CRADD: variants seen among roughly 807,000 people sequenced by gnomAD.
CRADD encodes the protein death domain-containing protein CRADD.
A neutral mutation model predicts 15.5 loss-of-function variants in CRADD; 9 were observed. The ratio of observed to expected loss-of-function variants is 0.58; its 90% CI spans 0.35 to 1.01. The LOEUF is 1.01. CRADD is among the 50% of genes least tolerant of loss of function. CRADD has a pLI of 0.02. For missense variants in CRADD, 227 were observed against 250.3 expected (o/e 0.91, Z 0.63); for synonymous variants, 118 against 107.6 (o/e 1.10, Z -0.60).
chr12:93,816,087 G>A (rs1224070617), intron 2 of CRADD: 1 of 152,012 alleles, frequency 6.6e-6, no homozygotes, highest in East Asian at 1.9e-4. Flanking sequence ...ATTTTAAAAA[G>A]TAAAAAGAAT....
rs539736818 is a variant in CRADD at position 93,688,153 on chromosome 12, G to A, written c.298+9081G>A. Among the ~76,000 whole-genome samples the A allele has an allele frequency of 2.0e-5, 3 of 152,270 alleles. No homozygotes were observed. In the South Asian group the frequency reaches 6.2e-4, roughly 32 times the overall value. ...ATGGCTAGTTGGGAAGAGTGGGACT[G>A]GCTTAGTCTGTCAGACTGGCTGTCT... On this transcript the variant is annotated intron_variant, in intron 2 of 2. Coordinates refer to ENST00000332896, the MANE Select transcript of CRADD (RefSeq NM_003805.5).
At chr12:93,796,887 C>T (rs1957424701) in intron 2 of CRADD, among the ~76,000 whole-genome samples, 1 of 152,164 alleles carries the variant, frequency 6.6e-6, no homozygotes, top group Non-Finnish European at 1.5e-5. Context: ...GTCTCACGTG[C>T]TCACGTGCAT....
intron 2 of CRADD, among the ~76,000 whole-genome samples, chr12:93,856,198 C>T (rs1268148472): frequency 1.3e-5 from 2 of 152,234 alleles, no homozygotes; most frequent in African/African-American, 4.8e-5. Flanking sequence ...GAAATAGAAA[C>T]TGCATAGTCC....
At chr12:93,800,866 C>T (rs1019652669) in intron 2 of CRADD, among the ~76,000 whole-genome samples, 1 of 152,158 alleles carries the variant, frequency 6.6e-6, no homozygotes, top group Admixed American at 6.6e-5. Context: ...CTGGGCACCC[C>T]TTAAGCCCAG....
In CRADD at chr12:93,694,978, G is replaced by A. The variant is rs187459111; in HGVS notation, c.298+15906G>A. Among the ~76,000 whole-genome samples, 928 of 152,182 alleles carry A rather than the reference G, an allele frequency of 6.1e-3. 15 individuals are homozygous for A. Among genetic ancestry groups the A allele is most frequent in the African/African-American group, 0.021 (874 of 41,522 alleles). ...AAAAAACAATTCTGAAATTTATATG[G>A]AACCACAAAAGACCCTGAATTGCCA... On this transcript the variant is annotated intron_variant, in intron 2 of 2. Transcript: ENST00000332896.
At chr12:93,798,496 T>C (rs1565918088) in intron 2 of CRADD, among the ~76,000 whole-genome samples, 1 of 152,092 alleles carries the variant, frequency 6.6e-6, no homozygotes, top group Non-Finnish European at 1.5e-5. Context: ...AATTATCAGC[T>C]CCTCCCTCCT....
intron 2 of CRADD, among the ~76,000 whole-genome samples, chr12:93,747,848 CT>C (rs1452486179): frequency 1.3e-5 from 2 of 152,174 alleles, no homozygotes; most frequent in African/African-American, 4.8e-5. Flanking sequence ...TTCTCCCACT[CT>C]TTCCTTCAGA....
At chr12:93,867,812 T>A (rs1958383217) in intron 2 of CRADD, among the ~76,000 whole-genome samples, 1 of 152,144 alleles carries the variant, frequency 6.6e-6, no homozygotes, top group South Asian at 2.1e-4. Flanking sequence ...GGACATAGAA[T>A]CCAAATTGTT....
At chr12:93,767,884 C>G (rs1957042390) in intron 2 of CRADD, among the ~76,000 whole-genome samples, 1 of 152,224 alleles carries the variant, frequency 6.6e-6, no homozygotes, top group Non-Finnish European at 1.5e-5. Context: ...AAATTCAATT[C>G]AACACCACCA....
chr12:93,793,112 A>G (rs1957369442), intron 2 of CRADD, among the ~76,000 whole-genome samples: 1 of 152,188 alleles, frequency 6.6e-6, no homozygotes, highest in Non-Finnish European at 1.5e-5. Context: ...AAAAACAAAA[A>G]TAGAATTGCA....
At chr12:93,681,551 A>C (rs1039909414) in intron 2 of CRADD, among the ~76,000 whole-genome samples, 1 of 152,220 alleles carries the variant, frequency 6.6e-6, no homozygotes, top group Non-Finnish European at 1.5e-5. Context: ...TCTTTTAAAA[A>C]AGACTTGTAT....
At chr12:93,887,125 T>C (rs1428924778) in intron 2 of CRADD, among the ~76,000 whole-genome samples, 2 of 152,220 alleles carry the variant, frequency 1.3e-5, no homozygotes, top group African/African-American at 4.8e-5. Flanking sequence ...TCTGCTAGTT[T>C]GTCTCTTTTG....
At chr12:93,806,147 G>A (rs886136818) in intron 2 of CRADD, among the ~76,000 whole-genome samples, 2 of 151,944 alleles carry the variant, frequency 1.3e-5, no homozygotes, top group East Asian at 1.9e-4. Context: ...GGTGTAGTTG[G>A]CCTTTTTGAA....
intron 2 of CRADD, among the ~76,000 whole-genome samples, chr12:93,773,345 G>T (rs1592977631): frequency 1.3e-5 from 2 of 152,248 alleles, no homozygotes; most frequent in East Asian, 1.9e-4. Context: ...TGCTGTTCTG[G>T]TGGTGACGAA....
intron 2 of CRADD, among the ~76,000 whole-genome samples, chr12:93,767,050 C>A (rs1957033580): frequency 1.3e-5 from 2 of 152,154 alleles, no homozygotes; most frequent in Non-Finnish European, 2.9e-5. Context: ...CAACCAGACC[C>A]TCGGGCCTTG....
At chr12:93,738,054 G>C (rs886615211) in intron 2 of CRADD, 9 of 465,248 alleles carry the variant, frequency 1.9e-5, no homozygotes, top group African/African-American at 1.6e-4. Context: ...TTCATAAACA[G>C]GTCCCTTTCT....
intron 2 of CRADD, among the ~76,000 whole-genome samples, chr12:93,819,145 G>C (rs371862250): frequency 5.3e-5 from 8 of 152,370 alleles, no homozygotes; most frequent in African/African-American, 1.9e-4. Context: ...GGCCCGCCCT[G>C]TCCGCCTATG....
At chr12:93,768,545 A>C (rs1957049414) in intron 2 of CRADD, among the ~76,000 whole-genome samples, 1 of 152,044 alleles carries the variant, frequency 6.6e-6, no homozygotes, top group Non-Finnish European at 1.5e-5. Flanking sequence ...TAAGCAATTA[A>C]CTTCTGATCC....
At chr12:93,705,552 C>T (rs1955928791) in intron 2 of CRADD, among the ~76,000 whole-genome samples, 1 of 152,096 alleles carries the variant, frequency 6.6e-6, no homozygotes, top group Admixed American at 6.5e-5. Context: ...TAGCATTGAG[C>T]AGGGTTTGAC....
Sources: gnomAD v4.1 joint callset for allele counts (sites outside exome capture counted in the v4.1 genomes callset) on GRCh38, gnomAD v4.1.1 for gene constraint, MANE v1.5 for transcripts, NCBI Gene and HGNC (gene_info 2026-07-23, HGNC 2026-07-21) for gene names.